Variants in PTPRG observed in about 807,000 individuals in gnomAD.
The protein encoded by PTPRG is protein tyrosine phosphatase receptor type G.
PTPRG carries 102 observed loss-of-function variants against 165.3 expected under a neutral mutation model. That is an observed-to-expected ratio of 0.62 (90% CI 0.53 to 0.73). The LOEUF (loss-of-function observed/expected upper bound fraction) is 0.73. PTPRG is among the 30% of genes least tolerant of loss of function. The pLI is 0.00. For missense variants in PTPRG, 1,866 were observed against 1,861.4 expected, an observed-to-expected ratio of 1.00 and a Z score of -0.05; for synonymous variants, 675 against 669.5, an observed-to-expected ratio of 1.01 and a Z score of -0.13.
chr3:62,068,564 C>T (rs1207075061), intron 4 of PTPRG, among the ~76,000 whole-genome samples: 1 of 152,198 alleles, frequency 6.6e-6, no homozygotes, highest in Non-Finnish European at 1.5e-5. Context: ...CAGCCTTGAA[C>T]TCCTGGGCTC....
At chr3:61,903,491 A>C (rs1434828295) in intron 2 of PTPRG, among the ~76,000 whole-genome samples, 1 of 152,166 alleles carries the variant, frequency 6.6e-6, no homozygotes, top group African/African-American at 2.4e-5. Flanking sequence ...CTCGTGTCTC[A>C]GCCTCCCAAG....
chr3:62,142,375 A>T (rs565368017), intron 6 of PTPRG, among the ~76,000 whole-genome samples: 2 of 152,192 alleles, frequency 1.3e-5, no homozygotes, highest in East Asian at 3.9e-4. Context: ...CTGGCCGGGT[A>T]GGGGAAGGCA....
At chr3:61,741,002 T>C (rs1318257418) in intron 1 of PTPRG, among the ~76,000 whole-genome samples, 6 of 152,220 alleles carry the variant, frequency 3.9e-5, no homozygotes, top group African/African-American at 1.4e-4. Context: ...CTACAATTGA[T>C]TGAAATACAG....
rs898761502 is a variant in PTPRG at position 62,228,763 on chromosome 3, A to G, written c.2289-2462A>G. On this transcript the variant is annotated intron_variant, in intron 13 of 29. Transcript: ENST00000474889. The surrounding 1 kb of genome is among the most constrained non-coding windows in gnomAD (Gnocchi z 4.1). ...GCACTGGGTCAGTCCTGGTTGCTCA[A>G]TGTCCTCTTATGCTGAGGGAGAGTG... 4.6e-5 allele frequency among the ~76,000 whole-genome samples: 7 copies of G among 152,202 alleles called. No individual in the cohort carries two copies. Among genetic ancestry groups the G allele is most frequent in the East Asian group, 1.9e-4 (1 of 5,186 alleles).
intron 1 of PTPRG, among the ~76,000 whole-genome samples, chr3:61,672,589 G>GA (rs1703048189): frequency 1.8e-5 from 1 of 55,902 alleles, no homozygotes; most frequent in South Asian, 9.1e-4. Flanking sequence ...GCATGGCGGC[G>GA]CCGCCTGCAA....
chr3:62,046,455 T>A (rs1700296127), intron 4 of PTPRG, among the ~76,000 whole-genome samples: 1 of 152,202 alleles, frequency 6.6e-6, no homozygotes, highest in Non-Finnish European at 1.5e-5. Context: ...TGTATACACT[T>A]CCTGAGCCTG....
At chr3:61,723,748 A>G (rs536734740) in intron 1 of PTPRG, among the ~76,000 whole-genome samples, 2 of 152,236 alleles carry the variant, frequency 1.3e-5, no homozygotes, top group African/African-American at 4.8e-5. Flanking sequence ...GGCACAATAT[A>G]TGTTTGTAGG....
Position 62,267,436 on chromosome 3 carries a change from C to A in PTPRG, c.2683C>A (p.Pro895Thr), listed in dbSNP as rs759292865. The change falls in exon 18 of 30, where the codon CCT becomes ACT. Residue 895 changes from proline (P) to threonine (T), a missense_variant. This residue lies in a region of PTPRG where 1,452 missense variants were observed against 1,463.0 expected (regional missense o/e 0.99). Coordinates refer to ENST00000474889, the MANE Select transcript of PTPRG (RefSeq NM_002841.4). ...TGATCACAGTAGGGTGAAGTTAAGA[C>A]CTTTACCAGGAAAAGACTCTAAGCA... ...AYDHSRVKLR[P>T]LPGKDSKHSD... 3 of 1,610,130 alleles carry A rather than the reference C, an allele frequency of 1.9e-6. No individual in the cohort carries two copies. In the South Asian group the frequency reaches 3.3e-5, roughly 18 times the overall value.
intron 1 of PTPRG, among the ~76,000 whole-genome samples, chr3:61,603,995 C>T (rs1700933264): frequency 6.6e-6 from 1 of 152,278 alleles, no homozygotes; most frequent in South Asian, 2.1e-4. Flanking sequence ...GGCATTAGAA[C>T]TTTAGCATGG....
At chr3:62,276,950 T>G in intron 24 of PTPRG, 22 bp from the exon 25 acceptor site, 1 of 1,606,458 alleles carries the variant, frequency 6.2e-7, no homozygotes, top group Non-Finnish European at 8.5e-7. Flanking sequence ...AATGTGGTGT[T>G]TTTGTTTTTT....
At chr3:62,129,680 A>G (rs1041613104) in intron 5 of PTPRG, among the ~76,000 whole-genome samples, 2 of 152,184 alleles carry the variant, frequency 1.3e-5, no homozygotes, top group East Asian at 3.9e-4. Flanking sequence ...TAAAGGTCCT[A>G]CTTCTCAACA....
chr3:61,657,386 A>T (rs1404168342), intron 1 of PTPRG, among the ~76,000 whole-genome samples: 1 of 152,060 alleles, frequency 6.6e-6, no homozygotes, highest in African/African-American at 2.4e-5. Flanking sequence ...CCTGCTTTTG[A>T]TGTTCTCCCA....
At chr3:61,854,233 G>C (rs1030634215) in intron 2 of PTPRG, among the ~76,000 whole-genome samples, 3 of 152,094 alleles carry the variant, frequency 2.0e-5, no homozygotes, top group Non-Finnish European at 4.4e-5. Flanking sequence ...CTTGCCCTTT[G>C]GTTTTCTTTT....
chr3:62,293,738 CTTTTT>C lies in PTPRG; in HGVS notation c.*432_*436del, dbSNP rs1702977495. On this transcript the variant is annotated 3_prime_UTR_variant, in exon 30 of 30. Transcript: ENST00000474889. ...TGTACTTTTCTTCAGTCCTCCTCTC[CTTTTT>C]ATTTTAGGCACTGTTCAATACTGTA... 6.5e-6 allele frequency: 1 copy of C among 154,128 alleles called. No individual in the cohort carries two copies. Among genetic ancestry groups the C allele is most frequent in the African/African-American group, 2.4e-5 (1 of 41,446 alleles). The allele number at this position is 154,128 out of a possible 1,614,324, so 9.5% of individuals were successfully genotyped here.
chr3:61,588,438 G>A (rs889273121), intron 1 of PTPRG, among the ~76,000 whole-genome samples: 3 of 146,862 alleles, frequency 2.0e-5, no homozygotes, highest in Non-Finnish European at 4.4e-5. Flanking sequence ...CCGGAGTGAT[G>A]TTGGCTCACT....
intron 5 of PTPRG, among the ~76,000 whole-genome samples, chr3:62,100,601 A>T (rs1356599373): frequency 6.6e-6 from 1 of 151,176 alleles, no homozygotes; most frequent in Non-Finnish European, 1.5e-5. Flanking sequence ...AAGCCAAAAA[A>T]ACAAAAAAAC....
At chr3:62,067,809 AGAT>A (rs1255692606) in intron 4 of PTPRG, among the ~76,000 whole-genome samples, 1 of 152,184 alleles carries the variant, frequency 6.6e-6, no homozygotes, top group Non-Finnish European at 1.5e-5. Context: ...CTGTAAATAC[AGAT>A]GAGGGGGTTA....
chr3:62,067,593 G>A lies in PTPRG; in HGVS notation c.520-10570G>A, dbSNP rs147529254. Among the ~76,000 whole-genome samples, 572 of 152,258 alleles carry A rather than the reference G, an allele frequency of 3.8e-3. 3 individuals are homozygous for A. The highest frequency in any genetic ancestry group is 0.013 in the African/African-American group (538 of 41,542). ...TGTAGAATCAGTGGGAGCCCTGAGC[G>A]TGTTTTCTTGCAAGTAGATGGTCCC... is the stretch of plus-strand genomic sequence containing the variant. On this transcript the variant is annotated intron_variant, in intron 4 of 29. Transcript: ENST00000474889.
chr3:61,965,580 C>G (rs1299745908), intron 2 of PTPRG, among the ~76,000 whole-genome samples: 2 of 151,210 alleles, frequency 1.3e-5, no homozygotes, highest in Admixed American at 1.3e-4. Flanking sequence ...GAGTGTTCTT[C>G]TAAAGCACTT....
Sources: allele counts gnomAD v4.1 joint callset (sites outside exome capture counted in the v4.1 genomes callset), GRCh38; gene constraint gnomAD v4.1.1; regional missense constraint gnomAD v4.1.1; non-coding constraint Gnocchi (gnomAD v3.1); transcripts MANE v1.5; gene names NCBI Gene and HGNC (gene_info 2026-07-23, HGNC 2026-07-21).